IGFN1: variants seen among roughly 807,000 people sequenced by gnomAD.
The protein encoded by IGFN1 is immunoglobulin like and fibronectin type III domain containing 1.
Under a neutral mutation model 289.5 loss-of-function variants are expected in IGFN1, and 253 were observed. That is an observed-to-expected ratio of 0.87 (90% CI 0.79 to 0.97). The LOEUF (loss-of-function observed/expected upper bound fraction) is 0.97. Among genes scored for constraint, IGFN1 ranks in the 50% least tolerant of loss-of-function variants. The pLI is 0.00. For missense variants in IGFN1, 4,470 were observed against 4,686.1 expected (o/e 0.95, Z 1.35); for synonymous variants, 1,706 against 1,788.5 (o/e 0.95, Z 1.16).
At position 201,206,817 on chromosome 1, in the gene IGFN1, G is replaced by A; in HGVS notation, c.1924G>A (p.Asp642Asn). The change falls in exon 12 of 24, where the codon GAT (aspartate) becomes AAT (asparagine). Residue 642 changes from aspartate to asparagine, a missense_variant. Asp to Asn is a conservative substitution (Grantham distance 23, BLOSUM62 1). Coordinates refer to ENST00000335211, the MANE Select transcript of IGFN1 (RefSeq NM_001164586.2). ...DDSLAEMDRG[D>N]APSRERGRGI... ...CAGCCTGGCTGAGATGGACAGAGGG[G>A]ATGCTCCAAGTAGGGAAAGGGGGAG... The A allele has an allele frequency of 2.0e-6, 3 of 1,536,992 alleles. No homozygotes were observed. Among genetic ancestry groups the A allele is most frequent in the Non-Finnish European group, 2.6e-6 (3 of 1,146,906 alleles).
In IGFN1 at chr1:201,212,602, G is replaced by C; in HGVS notation, c.7709G>C (p.Gly2570Ala). ...MTDRGRVAGQ[G>A]GLASQGGGDS... ...GACAGGGGTAGAGTTGCTGGCCAGG[G>C]GGGGTTGGCATCTCAGGGAGGTGGG... The change falls in exon 12 of 24, where the codon GGG becomes GCG. Residue 2570 changes from glycine to alanine, a missense_variant. Gly to Ala is a moderately conservative substitution (Grantham distance 60). Coordinates refer to ENST00000335211, the MANE Select transcript of IGFN1 (RefSeq NM_001164586.2). 1 of 1,547,038 alleles carries C rather than the reference G, an allele frequency of 6.5e-7. No individual in the cohort carries two copies. The highest frequency in any genetic ancestry group is 2.0e-5 in the Admixed American group (1 of 50,586).
chr1:201,193,261 TA>T lies in IGFN1; in HGVS notation c.-32del. On this transcript the variant is annotated 5_prime_UTR_variant, in exon 2 of 24. Coordinates refer to ENST00000335211, the MANE Select transcript of IGFN1 (RefSeq NM_001164586.2). ...TCTGTTCTCAGGGTAATAGAACTTC[TA>T]CCCTCAGAGGAGTCAAAGAGGAGGC... The T allele has an allele frequency of 6.6e-7, 1 of 1,510,450 alleles. No homozygotes were observed. The highest frequency in any genetic ancestry group is 9.0e-7 in the Non-Finnish European group (1 of 1,108,814). The allele number at this position is 1,510,450 out of a possible 1,614,324, so 93.6% of individuals were successfully genotyped here. A position where few individuals can be genotyped will look rare whatever the true frequency, so the allele number is the denominator to read the frequency against.
At position 201,208,802 on chromosome 1, in the gene IGFN1, G is replaced by A. The variant is rs1558144227; in HGVS notation, c.3909G>A (p.Lys1303=). 3 of 1,536,688 alleles carry A rather than the reference G, an allele frequency of 2.0e-6. No individual in the cohort carries two copies. The highest frequency in any genetic ancestry group is 2.6e-6 in the Non-Finnish European group (3 of 1,146,624). The part of the protein sequence containing the change: ...GAPENMGSGS[K]ADYRDGVGGS... ...CTGAGAATATGGGTTCGGGGAGCAA[G>A]GCAGATTATAGGGATGGTGTAGGGG... Residue 1303 remains lysine, a synonymous_variant, in exon 12 of 24, where the codon AAG becomes AAA. Transcript: ENST00000335211.
At chr1:201,198,674 C>T (rs550307007) in intron 5 of IGFN1, among the ~76,000 whole-genome samples, 1 of 151,040 alleles carries the variant, frequency 6.6e-6, no homozygotes, top group Non-Finnish European at 1.5e-5. Flanking sequence ...CTATCCTCCC[C>T]CCTCGGCCTC....
chr1:201,197,139 C>A, intron 4 of IGFN1, 79 bp from the exon 5 acceptor site: 2 of 841,778 alleles, frequency 2.4e-6, no homozygotes, highest in Non-Finnish European at 3.9e-6. Context: ...CACTTTATAC[C>A]CCCAACACAT....
At chr1:201,202,317 C>T (rs946708943) in intron 9 of IGFN1, among the ~76,000 whole-genome samples, 15 of 152,312 alleles carry the variant, frequency 9.8e-5, no homozygotes, top group African/African-American at 3.4e-4. Context: ...AGACAAGATA[C>T]TTATCTTCCC....
chr1:201,227,753 G>T (rs1210805474), intron 23 of IGFN1, among the ~76,000 whole-genome samples: 1 of 152,144 alleles, frequency 6.6e-6, no homozygotes, highest in African/African-American at 2.4e-5. Flanking sequence ...TTAAAATGAG[G>T]TATTTGAACT....
At position 201,199,300 on chromosome 1, in the gene IGFN1, A is replaced by G. The variant is rs879089281; in HGVS notation, c.368-34A>G. Reference sequence around the variant, plus strand: ...CTTGCTTCTCTCCCTGCTTGTCCACATCGACTCCTTCCTCTCCTCCCTGGA... The same window carrying G: ...CTTGCTTCTCTCCCTGCTTGTCCACGTCGACTCCTTCCTCTCCTCCCTGGA... On this transcript the variant is annotated intron_variant, in intron 5 of 23. Transcript: ENST00000335211. 1.4e-5 allele frequency: 22 copies of G among 1,547,316 alleles called. No individual in the cohort carries two copies. The East Asian group carries it at 1.7e-4, about 12-fold the overall frequency.
Position 201,206,209 on chromosome 1 carries a change from GCCC to G in IGFN1, c.1318_1320del (p.Pro440del). ...CAGGGAGAGAAATCCAGAGAGCAGG[GCCC>G]CAGGGGGGGCTCCCTTGAAGGGGCT... On this transcript the variant is annotated inframe_deletion, in exon 12 of 24. Transcript: ENST00000335211. The G allele has an allele frequency of 6.5e-7, 1 of 1,548,718 alleles. No homozygotes were observed. The highest frequency in any genetic ancestry group is 8.7e-7 in the Non-Finnish European group (1 of 1,146,316).
At position 201,208,332 on chromosome 1, in the gene IGFN1, G is replaced by A; in HGVS notation, c.3439G>A (p.Gly1147Ser). ...AGGAGGCTATGAAGATGGCTCTGGG[G>A]GTCCAGGAGCCATGGGACCAGGGTC... is the stretch of plus-strand genomic sequence containing the variant. ...GEGGYEDGSGGPGAMGPGSLR... is the reference protein window; with the variant it reads ...GEGGYEDGSGSPGAMGPGSLR... The change falls in exon 12 of 24, where the codon GGT (glycine) becomes AGT (serine). Residue 1147 changes from glycine (G) to serine (S), a missense_variant. Physicochemically the swap from Gly to Ser is moderately conservative, Grantham distance 56 (BLOSUM62 0). Coordinates refer to ENST00000335211, the MANE Select transcript of IGFN1 (RefSeq NM_001164586.2). 1.3e-6 allele frequency: 2 copies of A among 1,494,252 alleles called. No homozygotes were observed. Among genetic ancestry groups the A allele is most frequent in the Non-Finnish European group, 1.8e-6 (2 of 1,131,692 alleles). The allele number at this position is 1,494,252 out of a possible 1,614,324, so 92.6% of individuals were successfully genotyped here.
chr1:201,218,553 G>T lies in IGFN1; in HGVS notation c.9793G>T (p.Val3265Leu), dbSNP rs148105756. 2.5e-6 allele frequency: 4 copies of T among 1,613,420 alleles called. No homozygotes were observed. Among genetic ancestry groups the T allele is most frequent in the Non-Finnish European group, 3.4e-6 (4 of 1,179,888 alleles). Residue 3265 changes from valine to leucine, a missense_variant, in exon 18 of 24, where the codon GTG becomes TTG. Around this residue, in one of 8 missense-constraint regions of IGFN1, gnomAD observed 2,218 missense variants for 2,114.1 expected, o/e 1.05. Coordinates refer to ENST00000335211, the MANE Select transcript of IGFN1 (RefSeq NM_001164586.2). ...AGAGAGGAGGTGGACGGTGGCGGAC[G>T]TGCGGCAGGGCTGTCAGTATGAGTT... ...VPERRWTVAD[V>L]RQGCQYEFRV...
At chr1:201,196,028 T>C in intron 4 of IGFN1, 50 bp downstream of exon 4, 1 of 1,534,432 alleles carries the variant, frequency 6.5e-7, no homozygotes, top group Non-Finnish European at 8.8e-7. Context: ...TCTTTTCCCA[T>C]CCCCTTGAAG....
chr1:201,227,089 T>A lies in IGFN1; in HGVS notation c.10994T>A (p.Leu3665Gln). Residue 3665 changes from leucine to glutamine, a missense_variant, in exon 23 of 24, where the codon CTG becomes CAG. This residue lies in a region of IGFN1 where 2,218 missense variants were observed against 2,114.1 expected (regional missense o/e 1.05). Coordinates refer to ENST00000335211, the MANE Select transcript of IGFN1 (RefSeq NM_001164586.2). ...EGNPAVYSTDLLGVCSLTIPS... is the reference protein window; with the variant it reads ...EGNPAVYSTDQLGVCSLTIPS... The stretch of plus-strand genomic sequence containing the variant: ...AACCCCGCGGTGTACAGCACTGACC[T>A]GCTGGGCGTGTGCTCCCTCACCATC... 6.2e-7 allele frequency: 1 copy of A among 1,613,606 alleles called. No individual in the cohort carries two copies. Among genetic ancestry groups the A allele is most frequent in the Non-Finnish European group, 8.5e-7 (1 of 1,180,010 alleles).
At chr1:201,224,375 G>A (rs988055196) in intron 20 of IGFN1, among the ~76,000 whole-genome samples, 5 of 152,154 alleles carry the variant, frequency 3.3e-5, no homozygotes, top group Non-Finnish European at 2.9e-5. Context: ...CTGGCTGAGA[G>A]GATAATGTCC....
Position 201,227,008 on chromosome 1 carries a change from A to G in IGFN1, c.10913A>G (p.Gln3638Arg), listed in dbSNP as rs1429610523. The change falls in exon 23 of 24, where the codon CAG (glutamine) becomes CGG (arginine). Residue 3638 changes from glutamine (Q) to arginine (R), a missense_variant. By Grantham distance (43) the Gln-to-Arg change is conservative. Around this residue, in one of 8 missense-constraint regions of IGFN1, gnomAD observed 2,218 missense variants for 2,114.1 expected, o/e 1.05. Transcript: ENST00000335211. Reference sequence around the variant, plus strand: ...GAGTGCTGCATGAGCTGTGCCGTGCAGGGCTCGCCCCGGCCCCACGTCACC... The same window carrying G: ...GAGTGCTGCATGAGCTGTGCCGTGCGGGGCTCGCCCCGGCCCCACGTCACC... Reference protein sequence around the residue: ...GCECCMSCAVQGSPRPHVTWF... With the variant: ...GCECCMSCAVRGSPRPHVTWF... 6.2e-7 allele frequency: 1 copy of G among 1,613,282 alleles called. No homozygotes were observed. The highest frequency in any genetic ancestry group is 8.5e-7 in the Non-Finnish European group (1 of 1,180,034).
chr1:201,222,211 T>C (rs1653779813), intron 19 of IGFN1: 1 of 158,386 alleles, frequency 6.3e-6, no homozygotes, highest in South Asian at 2.0e-4. Context: ...GGATTGTCTT[T>C]CCCTTTGGGC....
At chr1:201,192,740 G>T (rs1439711286) in intron 1 of IGFN1, among the ~76,000 whole-genome samples, 1 of 152,170 alleles carries the variant, frequency 6.6e-6, no homozygotes, top group Admixed American at 6.5e-5. Flanking sequence ...AGAGTTGGGG[G>T]AAGAGCCAGG....
chr1:201,204,047 G>T, intron 10 of IGFN1, 141 bp downstream of exon 10: 3 of 741,058 alleles, frequency 4.0e-6, no homozygotes, highest in Non-Finnish European at 6.5e-6. Context: ...CACATACCTA[G>T]ATGGCCAAAT....
In IGFN1 at chr1:201,227,104, C is replaced by T. The variant is rs757763238; in HGVS notation, c.11009C>T (p.Ser3670Phe). Residue 3670 changes from serine (S) to phenylalanine (F), a missense_variant, in exon 23 of 24, where the codon TCC (serine) becomes TTC (phenylalanine). Transcript: ENST00000335211. ...AGCACTGACCTGCTGGGCGTGTGCT[C>T]CCTCACCATCCCCAGCGTATCCCCG... ...VYSTDLLGVC[S>F]LTIPSVSPKD... The T allele has an allele frequency of 1.9e-5, 30 of 1,613,428 alleles. No homozygotes were observed. The highest frequency in any genetic ancestry group is 2.7e-5 in the African/African-American group (2 of 74,942).
Sources: allele counts gnomAD v4.1 joint callset (sites outside exome capture counted in the v4.1 genomes callset), GRCh38; gene constraint gnomAD v4.1.1; regional missense constraint gnomAD v4.1.1; transcripts MANE v1.5; gene names NCBI Gene and HGNC (gene_info 2026-07-23, HGNC 2026-07-21).